Variants in DHX8 observed in about 807,000 individuals in gnomAD.
DHX8 encodes the protein ATP-dependent RNA helicase DHX8.
In DHX8, 67 loss-of-function variants were observed where a neutral mutation model predicts 140.7. The ratio of observed to expected loss-of-function variants is 0.48; its 90% CI spans 0.39 to 0.58. The LOEUF (loss-of-function observed/expected upper bound fraction) is 0.58. DHX8 is among the 20% of genes least tolerant of loss of function. The pLI is 0.00. For missense variants in DHX8, 887 were observed against 1,550.7 expected, an observed-to-expected ratio of 0.57 and a Z score of 7.19; for synonymous variants, 533 against 553.2, an observed-to-expected ratio of 0.96 and a Z score of 0.51.
At chr17:43,496,352 C>A in intron 9 of DHX8, 84 bp downstream of exon 9, 1 of 884,224 alleles carries the variant, frequency 1.1e-6, no homozygotes, top group South Asian at 1.5e-5. Flanking sequence ...AACCCAGTGG[C>A]TATTAATCAT....
chr17:43,499,722 T>TCTTTTGGGGTTCTCATATTCA (rs1409419314), intron 10 of DHX8, among the ~76,000 whole-genome samples: 1 of 152,226 alleles, frequency 6.6e-6, no homozygotes, highest in Non-Finnish European at 1.5e-5. Context: ...CATTCCTATC[T>TCTTTTGGGGTTCTCATATTCA]CTTTTGGGGT....
chr17:43,541,301 C>A (rs183859581), intron 3 of DHX8, among the ~76,000 whole-genome samples: 1 of 152,330 alleles, frequency 6.6e-6, no homozygotes, highest in East Asian at 1.9e-4. Context: ...TTTTTAATTA[C>A]CATGTTTCGT....
intron 3 of DHX8, 68 bp downstream of exon 3, chr17:43,490,531 ATT>A: frequency 7.5e-7 from 1 of 1,328,956 alleles, no homozygotes; most frequent in Non-Finnish European, 1.1e-6. Flanking sequence ...TGTAAATTGC[ATT>A]TGTTTTCCTC....
Position 43,508,015 on chromosome 17 carries a change from A to G in DHX8, c.2316A>G (p.Pro772=), listed in dbSNP as rs1210416501. The G allele has an allele frequency of 1.9e-6, 3 of 1,613,504 alleles. No individual in the cohort carries two copies. The highest frequency in any genetic ancestry group is 2.5e-6 in the Non-Finnish European group (3 of 1,179,880). The stretch of plus-strand genomic sequence containing the variant: ...TTATGCAGATTCATTTAACAGAACC[A>G]CCAGGTAAGGGGAAAAAGCAATTTT... ...ITVMQIHLTE[P]PGDILVFLTG... The change falls in exon 15 of 23, where the codon CCA becomes CCG. Residue 772 remains proline, a synonymous_variant. Coordinates refer to ENST00000262415, the MANE Select transcript of DHX8 (RefSeq NM_004941.3).
chr17:43,526,182 A>C (rs1432423386), downstream of DHX8: 1 of 985,368 alleles, frequency 1.0e-6, no homozygotes, highest in Admixed American at 6.1e-5. Flanking sequence ...TGCTGCTCTC[A>C]CACAATGGAG....
At chr17:43,532,101 C>A (rs1013016569) in intron 2 of DHX8, among the ~76,000 whole-genome samples, 1 of 152,220 alleles carries the variant, frequency 6.6e-6, no homozygotes, top group East Asian at 1.9e-4. Context: ...TGGGCTCAAA[C>A]GATCCTCCTG....
In DHX8 at chr17:43,493,567, C is replaced by G. The variant is rs1968669806; in HGVS notation, c.986C>G (p.Thr329Ser). The change falls in exon 7 of 23, where the codon ACC (threonine) becomes AGC (serine). Residue 329 changes from threonine (T) to serine (S), a missense_variant. This residue lies in a region of DHX8 where 98 missense variants were observed against 152.7 expected (regional missense o/e 0.64). Coordinates refer to ENST00000262415, the MANE Select transcript of DHX8 (RefSeq NM_004941.3). Reference protein sequence around the residue: ...VKVKVLSFTGTKTSLSMKDVD... With the variant: ...VKVKVLSFTGSKTSLSMKDVD... ...GTCAAAGTGCTGTCCTTCACTGGGA[C>G]CAAGACCAGCCTGAGCATGAAGGTA... is the stretch of plus-strand genomic sequence containing the variant. 1 of 1,614,152 alleles carries G rather than the reference C, an allele frequency of 6.2e-7. No homozygotes were observed. Among genetic ancestry groups the G allele is most frequent in the African/African-American group, 1.3e-5 (1 of 75,012 alleles).
At chr17:43,535,066 G>A (rs1318221508) in intron 2 of DHX8, among the ~76,000 whole-genome samples, 1 of 152,194 alleles carries the variant, frequency 6.6e-6, no homozygotes, top group Admixed American at 6.5e-5. Context: ...GGCCTTTCCT[G>A]TGGCCCCTGC....
At chr17:43,532,541 T>G (rs1567708867) in intron 2 of DHX8, 1 of 823,696 alleles carries the variant, frequency 1.2e-6, no homozygotes, top group Non-Finnish European at 1.9e-6. Flanking sequence ...CTTTTGAAAT[T>G]ATGAAGAAAA....
chr17:43,492,986 G>A lies in DHX8; in HGVS notation c.809G>A (p.Gly270Asp). The A allele has an allele frequency of 2.5e-6, 4 of 1,614,178 alleles. No homozygotes were observed. The highest frequency in any genetic ancestry group is 3.4e-6 in the Non-Finnish European group (4 of 1,180,030). Residue 270 changes from glycine (G) to aspartate (D), a missense_variant, in exon 6 of 23, where the codon GGC (glycine) becomes GAC (aspartate). Transcript: ENST00000262415. ...CCCACCATTGGTGACATTTATAATGGCAAAGTTACCAGCATCATGCAGTTT... is the reference window on the plus strand; with the variant it reads ...CCCACCATTGGTGACATTTATAATGACAAAGTTACCAGCATCATGCAGTTT... ...EEPTIGDIYN[G>D]KVTSIMQFGC...
chr17:43,522,242 C>G lies in DHX8; in HGVS notation c.3443+16C>G. ...AGCCAGAATGGTAGGTGGACATGTC[C>G]CAGGGTCTAGGGGCTTTTCTGGGCA... is the stretch of plus-strand genomic sequence containing the variant. On this transcript the variant is annotated intron_variant, in intron 22 of 22. Coordinates refer to ENST00000262415, the MANE Select transcript of DHX8 (RefSeq NM_004941.3). 1 of 1,609,728 alleles carries G rather than the reference C, an allele frequency of 6.2e-7. No individual in the cohort carries two copies. The highest frequency in any genetic ancestry group is 8.5e-7 in the Non-Finnish European group (1 of 1,177,040).
chr17:43,534,351 G>A (rs1348883829), intron 2 of DHX8, among the ~76,000 whole-genome samples: 1 of 151,974 alleles, frequency 6.6e-6, no homozygotes, highest in East Asian at 1.9e-4. Flanking sequence ...AAAATTAGCC[G>A]GGGATGGTGG....
chr17:43,512,474 A>G (rs1598162830), intron 16 of DHX8, among the ~76,000 whole-genome samples: 1 of 151,950 alleles, frequency 6.6e-6, no homozygotes, highest in South Asian at 2.1e-4. Flanking sequence ...GGTAAAGGGA[A>G]GAAGGGTGAG....
rs368825760 is a variant in DHX8, at chr17:43,494,809, C to CT, written c.1212+939dup. Among the ~76,000 whole-genome samples, 360 of 134,554 alleles carry CT rather than the reference C, an allele frequency of 2.7e-3. 1 individual carries two copies. The highest frequency in any genetic ancestry group is 0.024 in the East Asian group (109 of 4,548). The allele number at this position is 134,554 out of a possible 152,430, so 88.3% of individuals were successfully genotyped here. A position where few individuals can be genotyped will look rare whatever the true frequency, so the allele number is the denominator to read the frequency against. On this transcript the variant is annotated intron_variant, in intron 8 of 22. Transcript: ENST00000262415. Reference sequence around the variant, plus strand: ...AGTCTTCATTCTTTTGTTTTCTTTCCTTTTTTTTTTTTTTTTAATTGAGAC... The same window carrying CT: ...AGTCTTCATTCTTTTGTTTTCTTTCCTTTTTTTTTTTTTTTTTAATTGAGAC...
Position 43,484,359 on chromosome 17 carries a change from C to T in DHX8, c.148+174C>T, listed in dbSNP as rs1967998283. 4.6e-5 allele frequency among the ~76,000 whole-genome samples: 7 copies of T among 152,280 alleles called. No homozygotes were observed. In the South Asian group the frequency reaches 1.2e-3, roughly 27 times the overall value. On this transcript the variant is annotated intron_variant, in intron 1 of 22. Coordinates refer to ENST00000262415, the MANE Select transcript of DHX8 (RefSeq NM_004941.3). ...GCTGCCGTGGCCTCGGCTTGAGAGC[C>T]CTCGAGAAACTTTAGAAACTTTCCC...
chr17:43,507,847 C>A lies in DHX8; in HGVS notation c.2148C>A (p.Thr716=), dbSNP rs1255481687. Residue 716 remains threonine (T), a synonymous_variant, in exon 15 of 23, where the codon ACC becomes ACA. Coordinates refer to ENST00000262415, the MANE Select transcript of DHX8 (RefSeq NM_004941.3). ...GGCAGGACATGAAGCTGATTGTCACCTCAGCCACCTTGGATGCAGTGAAGT... is the reference window on the plus strand; with the variant it reads ...GGCAGGACATGAAGCTGATTGTCACATCAGCCACCTTGGATGCAGTGAAGT... The part of the protein sequence containing the change: ...QKRQDMKLIV[T]SATLDAVKFS... The A allele has an allele frequency of 9.3e-6, 15 of 1,614,046 alleles. No individual in the cohort carries two copies. The highest frequency in any genetic ancestry group is 1.3e-5 in the Non-Finnish European group (15 of 1,180,038).
intron 3 of DHX8, among the ~76,000 whole-genome samples, chr17:43,542,639 A>G (rs1210623605): frequency 6.6e-6 from 1 of 152,058 alleles, no homozygotes; most frequent in Non-Finnish European, 1.5e-5. Context: ...CCCCAAGGAT[A>G]TGTGAGCTGC....
In DHX8 at chr17:43,492,254, C is replaced by T. The variant is rs148120687; in HGVS notation, c.465C>T (p.Ser155=). The change falls in exon 5 of 23, where the codon AGC becomes AGT. Residue 155 remains serine (S), a synonymous_variant. Coordinates refer to ENST00000262415, the MANE Select transcript of DHX8 (RefSeq NM_004941.3). The part of the protein sequence containing the change: ...VLKELEALMP[S]AAGQEKQRDA... Reference sequence around the variant, plus strand: ...AAGAACTGGAAGCTTTAATGCCCAGCGCAGCAGGCCAGGAGAAGCAAAGAG... The same window carrying T: ...AAGAACTGGAAGCTTTAATGCCCAGTGCAGCAGGCCAGGAGAAGCAAAGAG... The T allele has an allele frequency of 1.2e-4, 196 of 1,613,834 alleles. No individual in the cohort carries two copies. The highest frequency in any genetic ancestry group is 1.6e-4 in the Non-Finnish European group (183 of 1,179,906).
At chr17:43,533,993 G>T in intron 2 of DHX8, 1 of 1,523,836 alleles carries the variant, frequency 6.6e-7, no homozygotes, top group Non-Finnish European at 8.7e-7. Context: ...CTACTGTGGG[G>T]GTGGAGGGGA....
Sources: allele counts gnomAD v4.1 joint callset (sites outside exome capture counted in the v4.1 genomes callset), GRCh38; gene constraint gnomAD v4.1.1; regional missense constraint gnomAD v4.1.1; transcripts MANE v1.5; gene names NCBI Gene and HGNC (gene_info 2026-07-23, HGNC 2026-07-21).